The following PCDHGA11 variants were observed in gnomAD, a reference collection of about 807,000 sequenced individuals.
PCDHGA11 encodes the protein protocadherin gamma-A11.
Under a neutral mutation model 60.4 loss-of-function variants are expected in PCDHGA11, and 39 were observed. That is an observed-to-expected ratio of 0.65 (90% CI 0.50 to 0.84). The LOEUF (loss-of-function observed/expected upper bound fraction) is 0.84, where lower values mean the gene tolerates loss of function less well. PCDHGA11 is among the 40% of genes least tolerant of loss of function. The pLI, the probability that PCDHGA11 is intolerant of heterozygous loss-of-function variation, is 0.00. For synonymous variants in PCDHGA11, 533 were observed against 510.3 expected (o/e 1.04, Z -0.60); for missense variants, 1,165 against 1,197.7 (o/e 0.97, Z 0.40).
chr5:141,509,684 C>G (rs572295300), intron 3 of PCDHGA11, among the ~76,000 whole-genome samples: 139 of 152,310 alleles, frequency 9.1e-4, no homozygotes, highest in Admixed American at 3.7e-3. Flanking sequence ...TTCTTCTGTA[C>G]AGTGGGACGT....
intron 1 of PCDHGA11, among the ~76,000 whole-genome samples, chr5:141,454,120 T>C (rs956675583): frequency 6.6e-5 from 10 of 152,228 alleles, no homozygotes; most frequent in African/African-American, 2.4e-4. Context: ...ATAGAAGAAA[T>C]AGCTGACCAT....
In PCDHGA11 at chr5:141,422,312, C is replaced by T; in HGVS notation, c.1085C>T (p.Pro362Leu). The change falls in exon 1 of 4, where the codon CCT becomes CTT. Residue 362 changes from proline to leucine, a missense_variant. Physicochemically the swap from Pro to Leu is moderately conservative, Grantham distance 98. Coordinates refer to ENST00000398587, the MANE Select transcript of PCDHGA11 (RefSeq NM_018914.3). ...ATTAATTCAATTCTGGAAAACTCTC[C>T]TCCAGGTACAGTGATTGCTCTTCTA... Reference protein sequence around the residue: ...SSINSILENSPPGTVIALLNV... With the variant: ...SSINSILENSLPGTVIALLNV... The T allele has an allele frequency of 1.9e-6, 3 of 1,547,444 alleles. No individual in the cohort carries two copies. Among genetic ancestry groups the T allele is most frequent in the Non-Finnish European group, 1.7e-6 (2 of 1,153,976 alleles).
At chr5:141,427,570 C>G (rs1487817661) in intron 1 of PCDHGA11, 8 of 662,270 alleles carry the variant, frequency 1.2e-5, no homozygotes, top group Non-Finnish European at 2.2e-5. Flanking sequence ...GGCAAGCCTC[C>G]GCTCTCATCC....
At chr5:141,427,858 C>T in intron 1 of PCDHGA11, 1 of 1,555,500 alleles carries the variant, frequency 6.4e-7, no homozygotes, top group South Asian at 1.1e-5. Context: ...CAGCTGTGCG[C>T]CTTCGAGCTC....
chr5:141,466,090 C>A (rs983505253), intron 1 of PCDHGA11, among the ~76,000 whole-genome samples: 2 of 152,068 alleles, frequency 1.3e-5, no homozygotes, highest in African/African-American at 4.8e-5. Context: ...CCACTGCACT[C>A]CAGCCTGGGC....
At chr5:141,453,544 C>T (rs540372287) in intron 1 of PCDHGA11, among the ~76,000 whole-genome samples, 12 of 152,310 alleles carry the variant, frequency 7.9e-5, no homozygotes, top group African/African-American at 2.9e-4. Flanking sequence ...ATTCACACCA[C>T]ACTCTGTAGA....
In PCDHGA11 at chr5:141,476,575, C is replaced by A; in HGVS notation, c.2434-18232C>A. 6 of 1,614,232 alleles carry A rather than the reference C, an allele frequency of 3.7e-6. No homozygotes were observed. The highest frequency in any genetic ancestry group is 5.1e-6 in the Non-Finnish European group (6 of 1,180,042). The stretch of plus-strand genomic sequence containing the variant: ...GCGAGGCCGTGGCTCCGGGGACGCG[C>A]TTTCCGCTCGAGAGCGCGCACGATC... On this transcript the variant is annotated intron_variant, in intron 1 of 3. Transcript: ENST00000398587. This position sits in a 1 kb window ranked among gnomAD's most constrained non-coding sequence, Gnocchi z 7.6.
Position 141,485,193 on chromosome 5 carries a change from G to C in PCDHGA11, c.2434-9614G>C. 1 of 1,613,988 alleles carries C rather than the reference G, an allele frequency of 6.2e-7. No individual in the cohort carries two copies. Among genetic ancestry groups the C allele is most frequent in the Non-Finnish European group, 8.5e-7 (1 of 1,179,852 alleles). On this transcript the variant is annotated intron_variant, in intron 1 of 3. Transcript: ENST00000398587. This position sits in a 1 kb window ranked among gnomAD's most constrained non-coding sequence, Gnocchi z 5.7. ...GCAGCAATGCTCCGCAAGGTGAGAA[G>C]CTGGACAGAAATCTGGCGGTGGGCT...
Position 141,485,996 on chromosome 5 carries a change from G to A in PCDHGA11, c.2434-8811G>A, listed in dbSNP as rs114142606. On this transcript the variant is annotated intron_variant, in intron 1 of 3. Coordinates refer to ENST00000398587, the MANE Select transcript of PCDHGA11 (RefSeq NM_018914.3). The surrounding 1 kb of genome is among the most constrained non-coding windows in gnomAD (Gnocchi z 5.7). ...CTCAGACCCGGACCTGGGTCCCAGT[G>A]GTAACGTCACCTTTTATTTCAGTGG... The A allele has an allele frequency of 1.6e-4, 256 of 1,614,178 alleles. 1 individual carries two copies. Among genetic ancestry groups the A allele is most frequent in the Middle Eastern group, 1.5e-3 (9 of 6,062 alleles).
chr5:141,504,790 CT>C (rs1204741124), intron 2 of PCDHGA11, among the ~76,000 whole-genome samples: 15 of 152,080 alleles, frequency 9.9e-5, no homozygotes, highest in Admixed American at 3.9e-4. Context: ...TTGGGGCCTC[CT>C]ACATCTCCCC....
chr5:141,488,175 T>C (rs889217562), intron 1 of PCDHGA11, among the ~76,000 whole-genome samples: 1 of 152,168 alleles, frequency 6.6e-6, no homozygotes, highest in Non-Finnish European at 1.5e-5. Context: ...AGTGGTGGCA[T>C]AGATCTTTTG....
intron 2 of PCDHGA11, among the ~76,000 whole-genome samples, chr5:141,499,133 T>C (rs1443866975): frequency 6.6e-6 from 1 of 152,184 alleles, no homozygotes; most frequent in East Asian, 1.9e-4. Context: ...GGTCATCCTT[T>C]GGGTGTCTGA....
At position 141,495,009 on chromosome 5, in the gene PCDHGA11, G is replaced by A; in HGVS notation, c.2492+144G>A. 6 of 1,518,622 alleles carry A rather than the reference G, an allele frequency of 4.0e-6. No homozygotes were observed. The South Asian group carries it at 6.2e-5, about 16-fold the overall frequency. The allele number at this position is 1,518,622 out of a possible 1,614,324, so 94.1% of individuals were successfully genotyped here. ...TCCCAGGGAGGTCTTGGTGTGCGGG[G>A]GGCTGGCACACAGACCCCGGAAGGA... is the stretch of plus-strand genomic sequence containing the variant. On this transcript the variant is annotated intron_variant, in intron 2 of 3. Coordinates refer to ENST00000398587, the MANE Select transcript of PCDHGA11 (RefSeq NM_018914.3).
At position 141,422,359 on chromosome 5, in the gene PCDHGA11, G is replaced by A; in HGVS notation, c.1132G>A (p.Gly378Arg). ...ALLNVQDQDS[G>R]ENGQVSCFIP... ...TCTAAATGTGCAAGATCAAGATTCTGGAGAAAATGGTCAAGTCTCCTGTTT... is the reference window on the plus strand; with the variant it reads ...TCTAAATGTGCAAGATCAAGATTCTAGAGAAAATGGTCAAGTCTCCTGTTT... The change falls in exon 1 of 4, where the codon GGA becomes AGA. Residue 378 changes from glycine (G) to arginine (R), a missense_variant. Transcript: ENST00000398587. The A allele has an allele frequency of 6.4e-7, 1 of 1,558,858 alleles. No individual in the cohort carries two copies. The highest frequency in any genetic ancestry group is 8.6e-7 in the Non-Finnish European group (1 of 1,157,748).
chr5:141,510,852 G>A (rs2099883073), intron 3 of PCDHGA11, 95 bp from the exon 4 acceptor site: 2 of 1,601,096 alleles, frequency 1.2e-6, no homozygotes, highest in Non-Finnish European at 1.7e-6. Flanking sequence ...GGCCCAGGGT[G>A]CTGTATAGGC....
intron 1 of PCDHGA11, among the ~76,000 whole-genome samples, chr5:141,467,695 T>C (rs1189395935): frequency 6.6e-6 from 1 of 152,142 alleles, no homozygotes; most frequent in Non-Finnish European, 1.5e-5. Flanking sequence ...AGGGTCTGGC[T>C]CTGTTGCCCA....
rs1476740920 is a variant in PCDHGA11, at chr5:141,443,326, A to AC, written c.2433+19666_2433+19667insC. Among the ~76,000 whole-genome samples the AC allele has an allele frequency of 3.3e-5, 5 of 151,792 alleles. No homozygotes were observed. The South Asian group carries it at 8.3e-4, about 25-fold the overall frequency. ...CAAAAACCCATCTCTACAAAAAAAA[A>AC]AAACAAAAATTAACAAGGTTTAGTG... On this transcript the variant is annotated intron_variant, in intron 1 of 3. Transcript: ENST00000398587.
intron 2 of PCDHGA11, among the ~76,000 whole-genome samples, chr5:141,495,250 A>G (rs557893500): frequency 6.6e-6 from 1 of 152,188 alleles, no homozygotes; most frequent in Non-Finnish European, 1.5e-5. Context: ...CCTGGGGCTC[A>G]GGCAGAAAAG....
intron 3 of PCDHGA11, among the ~76,000 whole-genome samples, chr5:141,507,500 A>G (rs2099861039): frequency 6.6e-6 from 1 of 152,206 alleles, no homozygotes; most frequent in Admixed American, 6.5e-5. Flanking sequence ...GAGCTGTCCC[A>G]GGTCTGGTGG....
Sources: gnomAD v4.1 joint callset for allele counts (sites outside exome capture counted in the v4.1 genomes callset) on GRCh38, gnomAD v4.1.1 for gene constraint, Gnocchi (gnomAD v3.1) non-coding constraint, MANE v1.5 for transcripts, NCBI Gene and HGNC (gene_info 2026-07-23, HGNC 2026-07-21) for gene names.